Variants in CLASP2 observed in about 807,000 individuals in gnomAD.
CLASP2 encodes the protein cytoplasmic linker associated protein 2, also known as CLIP-associating protein 2.
Under a neutral mutation model 194.4 loss-of-function variants are expected in CLASP2, and 47 were observed. That is an observed-to-expected ratio of 0.24 (90% CI 0.19 to 0.31). CLASP2 has a LOEUF of 0.31. CLASP2 is among the 10% of genes least tolerant of loss of function. The pLI, the probability that CLASP2 is intolerant of heterozygous loss-of-function variation, is 1.00. For missense variants in CLASP2, 1,445 were observed against 1,823.6 expected (o/e 0.79, Z 3.78); for synonymous variants, 619 against 633.5 (o/e 0.98, Z 0.34).
At chr3:33,631,232 T>C (rs2079028136) in intron 9 of CLASP2, among the ~76,000 whole-genome samples, 2 of 152,208 alleles carry the variant, frequency 1.3e-5, no homozygotes, top group East Asian at 3.8e-4. Context: ...TTGGCAAGGA[T>C]ATGATGAAAT....
At chr3:33,651,829 T>C (rs1038928167) in intron 7 of CLASP2, among the ~76,000 whole-genome samples, 1 of 152,028 alleles carries the variant, frequency 6.6e-6, no homozygotes, top group African/African-American at 2.4e-5. Flanking sequence ...CCAGCTAATT[T>C]TGTCTTTTTG....
At chr3:33,656,688 T>C (rs2084277515) in intron 7 of CLASP2, among the ~76,000 whole-genome samples, 1 of 152,208 alleles carries the variant, frequency 6.6e-6, no homozygotes, top group Admixed American at 6.5e-5. Flanking sequence ...AAGGTGCTTA[T>C]TTCAGAACCA....
At chr3:33,555,713 A>ATAGC (rs2060806073) in intron 29 of CLASP2, among the ~76,000 whole-genome samples, 1 of 152,160 alleles carries the variant, frequency 6.6e-6, no homozygotes. Context: ...CTCAGTGTGA[A>ATAGC]TAGCTGGAAG....
At position 33,615,130 on chromosome 3, in the gene CLASP2, C is replaced by T. The variant is rs186899957; in HGVS notation, c.1318-3059G>A. Among the ~76,000 whole-genome samples, 200 of 151,624 alleles carry T rather than the reference C, an allele frequency of 1.3e-3. 1 individual carries two copies. Among genetic ancestry groups the T allele is most frequent in the Admixed American group, 3.0e-3 (46 of 15,244 alleles). On this transcript the variant is annotated intron_variant, in intron 12 of 38. Transcript: ENST00000682230. The stretch of plus-strand genomic sequence containing the variant: ...ATGAAAAGTGAGAAAACACTAAAGC[C>T]AAACAAGAATGACCCAGAATCAATT...
intron 1 of CLASP2, among the ~76,000 whole-genome samples, chr3:33,708,266 T>TA: frequency 6.6e-6 from 1 of 151,478 alleles, no homozygotes; most frequent in East Asian, 1.9e-4. Context: ...TCTATTCTGT[T>TA]ACTATCTATA....
intron 8 of CLASP2, among the ~76,000 whole-genome samples, chr3:33,638,862 A>G (rs1449848601): frequency 6.6e-6 from 1 of 152,062 alleles, no homozygotes; most frequent in Non-Finnish European, 1.5e-5. Flanking sequence ...ATAACATTTC[A>G]CTCTTTTCTG....
intron 32 of CLASP2, 22 bp downstream of exon 32, chr3:33,543,411 T>A (rs747280547): frequency 7.1e-7 from 1 of 1,399,540 alleles, no homozygotes; most frequent in Non-Finnish European, 1.0e-6. Flanking sequence ...CAAACCATCA[T>A]GAAAAATCAT....
intron 18 of CLASP2, among the ~76,000 whole-genome samples, chr3:33,602,127 C>T (rs1051320429): frequency 1.3e-5 from 2 of 151,778 alleles, no homozygotes; most frequent in African/African-American, 4.8e-5. Context: ...GATTCTCCTG[C>T]CTCAGCTTCC....
At chr3:33,609,910 A>C (rs2074747402) in intron 13 of CLASP2, among the ~76,000 whole-genome samples, 1 of 152,236 alleles carries the variant, frequency 6.6e-6, no homozygotes. Context: ...GGGAGGTTAA[A>C]TTAACTTGCT....
chr3:33,531,607 C>G (rs947442478), intron 34 of CLASP2, among the ~76,000 whole-genome samples: 17 of 152,268 alleles, frequency 1.1e-4, no homozygotes, highest in African/African-American at 3.9e-4. Context: ...CAAACCCCGT[C>G]TCTACTAAAA....
chr3:33,688,798 A>G (rs1295096664), intron 3 of CLASP2, among the ~76,000 whole-genome samples: 1 of 151,980 alleles, frequency 6.6e-6, no homozygotes, highest in Non-Finnish European at 1.5e-5. Flanking sequence ...TTTTTTTTGG[A>G]CATTTTATAA....
At chr3:33,611,896 C>T in intron 13 of CLASP2, 105 bp downstream of exon 13, 1 of 764,718 alleles carries the variant, frequency 1.3e-6, no homozygotes. Context: ...TTATGGTTTT[C>T]TGGAAGGCAA....
intron 8 of CLASP2, among the ~76,000 whole-genome samples, chr3:33,643,692 G>T (rs1192940799): frequency 1.3e-5 from 2 of 151,760 alleles, no homozygotes; most frequent in South Asian, 2.1e-4. Context: ...ACAGAAGATC[G>T]TTTAAATGAA....
intron 27 of CLASP2, among the ~76,000 whole-genome samples, chr3:33,566,171 CAAAGTGG>C (rs1202433848): frequency 6.6e-6 from 1 of 152,146 alleles, no homozygotes; most frequent in African/African-American, 2.4e-5. Flanking sequence ...GATTAAAGAA[CAAAGTGG>C]AAAGTGGCTA....
At chr3:33,582,858 C>T (rs1287003595) in intron 22 of CLASP2, among the ~76,000 whole-genome samples, 4 of 152,066 alleles carry the variant, frequency 2.6e-5, no homozygotes, top group African/African-American at 9.7e-5. Context: ...TAGATGAAAA[C>T]TTCAGAGGCT....
intron 5 of CLASP2, 68 bp downstream of exon 5, chr3:33,686,992 A>G (rs528798799): frequency 1.9e-5 from 16 of 846,704 alleles, no homozygotes; most frequent in South Asian, 3.6e-5. Context: ...TAAAAATAGA[A>G]TAAGAGGACT....
In CLASP2 at chr3:33,718,203, A is replaced by C. The variant is rs1484921818; in HGVS notation, c.-201T>G. On this transcript the variant is annotated 5_prime_UTR_variant, in exon 1 of 39. Coordinates refer to ENST00000682230, the MANE Select transcript of CLASP2 (RefSeq NM_001365631.1). ...AACTAGTCAAACTCGGCGCCCCCCG[A>C]TCCCCAGCCCGCTTCAGAGGCCGCG... 5.6e-6 allele frequency: 2 copies of C among 357,456 alleles called. No homozygotes were observed. The highest frequency in any genetic ancestry group is 1.0e-5 in the Non-Finnish European group (2 of 200,568). The allele number at this position is 357,456 out of a possible 1,614,324, so 22.1% of individuals were successfully genotyped here.
At chr3:33,706,806 A>T (rs1392420215) in intron 1 of CLASP2, among the ~76,000 whole-genome samples, 1 of 151,926 alleles carries the variant, frequency 6.6e-6, no homozygotes, top group Non-Finnish European at 1.5e-5. Context: ...TAGAAAAAAA[A>T]ATTTTAAAGT....
intron 6 of CLASP2, among the ~76,000 whole-genome samples, chr3:33,672,614 A>G (rs1234978396): frequency 3.8e-4 from 58 of 152,260 alleles, no homozygotes; most frequent in Admixed American, 3.8e-3. Flanking sequence ...TGACGAGTTG[A>G]CAGAAGAAGG....
Sources: allele counts gnomAD v4.1 joint callset (sites outside exome capture counted in the v4.1 genomes callset), GRCh38; gene constraint gnomAD v4.1.1; transcripts MANE v1.5; gene names NCBI Gene and HGNC (gene_info 2026-07-23, HGNC 2026-07-21).